Variants in CLIP4 observed in about 807,000 individuals in gnomAD.
CLIP4 encodes CAP-Gly domain-containing linker protein 4.
Under a neutral mutation model 73.1 loss-of-function variants are expected in CLIP4, and 47 were observed. The ratio of observed to expected loss-of-function variants is 0.64; its 90% CI spans 0.51 to 0.82. CLIP4 has a LOEUF of 0.82. Ranked by LOEUF, CLIP4 falls within the 40% of genes least tolerant of loss-of-function variation. CLIP4 has a pLI of 0.00. For missense variants in CLIP4, 874 were observed against 852.9 expected (o/e 1.02, Z -0.31); for synonymous variants, 306 against 295.4 (o/e 1.04, Z -0.37).
chr2:29,144,055 A>G, intron 7 of CLIP4, 110 bp downstream of exon 7: 1 of 789,808 alleles, frequency 1.3e-6, no homozygotes, highest in Admixed American at 2.2e-5. Flanking sequence ...TTCAACATGT[A>G]GGTAGAAAGA....
At chr2:29,121,788 A>G (rs185510683) in intron 2 of CLIP4, among the ~76,000 whole-genome samples, 1 of 152,292 alleles carries the variant, frequency 6.6e-6, no homozygotes, top group East Asian at 1.9e-4. Context: ...TTAGAAAGCA[A>G]TGGTGCTTAG....
At chr2:29,151,026 G>T (rs1368294896) in intron 8 of CLIP4, among the ~76,000 whole-genome samples, 2 of 151,916 alleles carry the variant, frequency 1.3e-5, no homozygotes, top group East Asian at 1.9e-4. Context: ...CATCATATTG[G>T]CAGGCAATTA....
intron 8 of CLIP4, 96 bp downstream of exon 8, chr2:29,145,463 T>C: frequency 9.6e-7 from 1 of 1,039,246 alleles, no homozygotes; most frequent in Non-Finnish European, 1.4e-6. Context: ...TCCTGATTTC[T>C]TATGTGATAA....
intron 5 of CLIP4, 138 bp downstream of exon 5, chr2:29,133,954 T>C (rs189885543): frequency 1.3e-5 from 9 of 683,460 alleles, no homozygotes; most frequent in Admixed American, 7.1e-5. Context: ...ATTTCTGAGA[T>C]AGTTTAAAAT....
intron 8 of CLIP4, among the ~76,000 whole-genome samples, chr2:29,150,303 G>A (rs1036438694): frequency 1.3e-5 from 2 of 152,192 alleles, no homozygotes; most frequent in Non-Finnish European, 2.9e-5. Flanking sequence ...GTACAAAAAG[G>A]TGGAGAGGGC....
In CLIP4 at chr2:29,131,244, T is replaced by G; in HGVS notation, c.134-14T>G. On this transcript the variant is annotated splice_polypyrimidine_tract_variant and intron_variant, in intron 2 of 15. Coordinates refer to ENST00000320081, the MANE Select transcript of CLIP4 (RefSeq NM_024692.6). The stretch of plus-strand genomic sequence containing the variant: ...ACTTTTAGTAAATTTAATTTGCATC[T>G]TTTTTTATTTCAGAATTTTCTTTCT... 1 of 1,577,584 alleles carries G rather than the reference T, an allele frequency of 6.3e-7. No individual in the cohort carries two copies. The highest frequency in any genetic ancestry group is 8.6e-7 in the Non-Finnish European group (1 of 1,158,814).
At chr2:29,149,391 T>G (rs934926899) in intron 8 of CLIP4, among the ~76,000 whole-genome samples, 1 of 149,824 alleles carries the variant, frequency 6.7e-6, no homozygotes, top group African/African-American at 2.5e-5. Flanking sequence ...TGGAAGCGTT[T>G]AGTATTTTTT....
intron 1 of CLIP4, among the ~76,000 whole-genome samples, chr2:29,100,949 C>T (rs1668024391): frequency 6.6e-6 from 1 of 152,030 alleles, no homozygotes; most frequent in Admixed American, 6.6e-5. Flanking sequence ...AATAGACAGC[C>T]TGTAAGCTAA....
At chr2:29,127,090 G>T (rs1664656741) in intron 2 of CLIP4, among the ~76,000 whole-genome samples, 1 of 152,052 alleles carries the variant, frequency 6.6e-6, no homozygotes, top group Admixed American at 6.6e-5. Flanking sequence ...CATTAAGCTG[G>T]CCTGATTATA....
rs867857334 is a variant in CLIP4, at chr2:29,128,300, C to T, written c.134-2958C>T. Among the ~76,000 whole-genome samples, 6 of 150,342 alleles carry T rather than the reference C, an allele frequency of 4.0e-5. No individual in the cohort carries two copies. In the South Asian group the frequency reaches 6.3e-4, roughly 16 times the overall value. On this transcript the variant is annotated intron_variant, in intron 2 of 15. Transcript: ENST00000320081. The stretch of plus-strand genomic sequence containing the variant: ...TTCATTCAGAATTTGATTTTTGAGA[C>T]GTTTATAAAAAGAATACCCAAAAGA...
At chr2:29,131,029 G>T in intron 2 of CLIP4, 2 of 907,624 alleles carry the variant, frequency 2.2e-6, no homozygotes, top group Non-Finnish European at 3.0e-6. Context: ...CTTTCCTCAT[G>T]TGCAAAATGA....
intron 2 of CLIP4, among the ~76,000 whole-genome samples, chr2:29,125,159 C>T (rs1664512921): frequency 6.6e-6 from 1 of 152,190 alleles, no homozygotes; most frequent in African/African-American, 2.4e-5. Context: ...GAGAATTCCA[C>T]TCCAGGGGCC....
intron 15 of CLIP4, among the ~76,000 whole-genome samples, chr2:29,177,926 A>G (rs1351626974): frequency 6.6e-6 from 1 of 152,224 alleles, no homozygotes; most frequent in African/African-American, 2.4e-5. Flanking sequence ...GCTTTGACAT[A>G]CCTTGAATCA....
At chr2:29,168,011 C>T (rs74736264) in intron 14 of CLIP4, 1 of 152,292 alleles carries the variant, frequency 6.6e-6, no homozygotes. Context: ...GGAAGTTTCT[C>T]TAGGATTCCC....
intron 1 of CLIP4, among the ~76,000 whole-genome samples, chr2:29,099,923 CTCTT>C (rs1378360281): frequency 6.6e-6 from 1 of 152,166 alleles, no homozygotes; most frequent in Non-Finnish European, 1.5e-5. Context: ...TTATACATAA[CTCTT>C]TCTCTCTCTC....
chr2:29,130,742 C>A, intron 2 of CLIP4: 2 of 1,254,830 alleles, frequency 1.6e-6, no homozygotes, highest in Non-Finnish European at 2.0e-6. Flanking sequence ...TGCCTCTCAT[C>A]TTTTAGTTAT....
Position 29,143,636 on chromosome 2 carries a change from C to G in CLIP4, c.649-73C>G. 3 of 1,019,376 alleles carry G rather than the reference C, an allele frequency of 2.9e-6. No homozygotes were observed. The South Asian group carries it at 4.3e-5, about 15-fold the overall frequency. 63.1% of individuals were successfully genotyped at this position (1,019,376 alleles called of 1,614,324 possible). A position where few individuals can be genotyped will look rare whatever the true frequency, so the allele number is the denominator to read the frequency against. On this transcript the variant is annotated intron_variant, in intron 6 of 15. Coordinates refer to ENST00000320081, the MANE Select transcript of CLIP4 (RefSeq NM_024692.6). ...GAATGAATTTAACGTAAAGTTCTTCCAACAGAAATTTTATATGACTTTCTA... is the reference window on the plus strand; with the variant it reads ...GAATGAATTTAACGTAAAGTTCTTCGAACAGAAATTTTATATGACTTTCTA...
At chr2:29,109,782 G>A (rs913929373) in intron 1 of CLIP4, among the ~76,000 whole-genome samples, 3 of 152,098 alleles carry the variant, frequency 2.0e-5, no homozygotes, top group Non-Finnish European at 2.9e-5. Context: ...GAATAGGGCC[G>A]GCATGACAGC....
intron 10 of CLIP4, among the ~76,000 whole-genome samples, chr2:29,156,867 T>A (rs1666958392): frequency 4.0e-5 from 1 of 24,878 alleles, no homozygotes; most frequent in Non-Finnish European, 1.1e-4. Context: ...TGTTTAATTT[T>A]TGTATAAAAG....
Sources: allele counts gnomAD v4.1 joint callset (sites outside exome capture counted in the v4.1 genomes callset), GRCh38; gene constraint gnomAD v4.1.1; transcripts MANE v1.5; gene names NCBI Gene and HGNC (gene_info 2026-07-23, HGNC 2026-07-21).